ATPSCKMT: variants seen among roughly 807,000 people sequenced by gnomAD.
The protein encoded by ATPSCKMT is ATP synthase c subunit lysine N-methyltransferase.
ATPSCKMT carries 24 observed loss-of-function variants against 24.3 expected under a neutral mutation model. The observed-to-expected ratio is 0.99, with a 90% CI of 0.71 to 1.39. ATPSCKMT has a LOEUF of 1.39. Among genes scored for constraint, ATPSCKMT ranks in the 40% most tolerant of loss-of-function variants. The pLI, the probability that ATPSCKMT is intolerant of heterozygous loss-of-function variation, is 0.00. For synonymous variants in ATPSCKMT, 95 were observed against 110.5 expected (o/e 0.86, Z 0.88); for missense variants, 311 against 298.4 (o/e 1.04, Z -0.31).
Position 10,227,620 on chromosome 5 carries a change from G to A in ATPSCKMT, c.523C>T (p.Arg175Cys), listed in dbSNP as rs748621110. ...ACTCGTGCATCATCCTCAAGTTCAC[G>A]TTCAAGTTTCTTCTCCAACTGCAGC... ...MMLQLEKKLERELEDDARVIA... is the reference protein window; with the variant it reads ...MMLQLEKKLECELEDDARVIA... The change falls in exon 5 of 5, where the codon CGT becomes TGT. Residue 175 changes from arginine (R) to cysteine (C), a missense_variant. By Grantham distance (180) the Arg-to-Cys change is radical (BLOSUM62 -3). Transcript: ENST00000511437. The A allele has an allele frequency of 7.4e-6, 12 of 1,614,174 alleles. No homozygotes were observed. The highest frequency in any genetic ancestry group is 3.3e-5 in the Admixed American group (2 of 60,014).
chr5:10,233,369 CT>C (rs1423871628), intron 4 of ATPSCKMT, among the ~76,000 whole-genome samples: 1 of 152,176 alleles, frequency 6.6e-6, no homozygotes, highest in Admixed American at 6.5e-5. Context: ...CTCCGCACCC[CT>C]GACCGACCCA....
At chr5:10,247,166 AATC>A (rs1744972835) in intron 1 of ATPSCKMT, among the ~76,000 whole-genome samples, 1 of 152,208 alleles carries the variant, frequency 6.6e-6, no homozygotes, top group Non-Finnish European at 1.5e-5. Flanking sequence ...CTCTTGATGA[AATC>A]ATTCTATTTT....
chr5:10,234,157 A>G (rs1744273517), intron 4 of ATPSCKMT, among the ~76,000 whole-genome samples: 1 of 151,990 alleles, frequency 6.6e-6, no homozygotes, highest in Admixed American at 6.6e-5. Context: ...GCAAAACCCC[A>G]CCTCTACTAA....
At chr5:10,232,101 G>T (rs1263475464) in intron 4 of ATPSCKMT, among the ~76,000 whole-genome samples, 1 of 152,128 alleles carries the variant, frequency 6.6e-6, no homozygotes, top group Non-Finnish European at 1.5e-5. Context: ...GACTTGGCAG[G>T]CTGAGACAGG....
chr5:10,231,614 A>T (rs1744143399), intron 4 of ATPSCKMT, among the ~76,000 whole-genome samples: 1 of 150,904 alleles, frequency 6.6e-6, no homozygotes. Flanking sequence ...CTTTGCAGGG[A>T]TCCTGTCCCT....
rs370685274 is a variant in ATPSCKMT at position 10,227,472 on chromosome 5, G to T, written c.671C>A (p.Ser224Ter). Residue 224 changes from serine (S) to a stop codon, truncating the protein, a stop_gained, in exon 5 of 5, where the codon TCG becomes TAG. Coordinates refer to ENST00000511437, the MANE Select transcript of ATPSCKMT (RefSeq NM_199133.4). LOFTEE classifies it low-confidence loss of function (END_TRUNC). ...FRGREKRPCT[S>*]MHFQLPIQA is the part of the protein sequence containing the mutation. ...TTGAATGGGCAGCTGGAAATGCATC[G>T]ATGTACAGGGCCTCTTTTCACGGCC... is the stretch of plus-strand genomic sequence containing the variant. 4 of 1,614,122 alleles carry T rather than the reference G, an allele frequency of 2.5e-6. No individual in the cohort carries two copies. The highest frequency in any genetic ancestry group is 3.4e-6 in the Non-Finnish European group (4 of 1,180,032).
At chr5:10,244,778 T>C (rs1744815457) in intron 1 of ATPSCKMT, among the ~76,000 whole-genome samples, 2 of 151,898 alleles carry the variant, frequency 1.3e-5, no homozygotes, top group Non-Finnish European at 2.9e-5. Context: ...TGTGGTGGCA[T>C]GCACTTGTAG....
chr5:10,241,261 A>C (rs1744630817), intron 1 of ATPSCKMT, among the ~76,000 whole-genome samples: 1 of 152,186 alleles, frequency 6.6e-6, no homozygotes, highest in Non-Finnish European at 1.5e-5. Context: ...CTGGGCCCAC[A>C]TAAATAATCC....
intron 4 of ATPSCKMT, 37 bp from the exon 5 acceptor site, chr5:10,227,684 G>A (rs755420956): frequency 2.5e-6 from 4 of 1,595,204 alleles, no homozygotes; most frequent in Admixed American, 1.7e-5. Context: ...AGTGAGCAGT[G>A]AGTCAGAGGA....
chr5:10,237,791 G>C (rs1454460598), intron 2 of ATPSCKMT, among the ~76,000 whole-genome samples: 1 of 151,784 alleles, frequency 6.6e-6, no homozygotes, highest in Non-Finnish European at 1.5e-5. Context: ...CTGTCACCCA[G>C]GCTGGAGTGC....
rs931638454 is a variant in ATPSCKMT, at chr5:10,236,798, C to T, written c.307-183G>A. 4 of 1,481,572 alleles carry T rather than the reference C, an allele frequency of 2.7e-6. No individual in the cohort carries two copies. In the African/African-American group the frequency reaches 4.2e-5, roughly 16 times the overall value. The allele number at this position is 1,481,572 out of a possible 1,614,324, so 91.8% of individuals were successfully genotyped here. ...GCTTTGTGGACAACGTAATAGTCAACCCATGCAACTTAGTTTCCTTGATTG... is the reference window on the plus strand; with the variant it reads ...GCTTTGTGGACAACGTAATAGTCAATCCATGCAACTTAGTTTCCTTGATTG... On this transcript the variant is annotated intron_variant, in intron 2 of 4. Coordinates refer to ENST00000511437, the MANE Select transcript of ATPSCKMT (RefSeq NM_199133.4).
chr5:10,234,938 C>T (rs1744308378), intron 4 of ATPSCKMT, among the ~76,000 whole-genome samples: 1 of 152,176 alleles, frequency 6.6e-6, no homozygotes, highest in South Asian at 2.1e-4. Flanking sequence ...AGACACGGGA[C>T]CTCAGAAAGC....
chr5:10,248,335 T>G (rs1015032478), intron 1 of ATPSCKMT: 1 of 152,234 alleles, frequency 6.6e-6, no homozygotes, highest in Non-Finnish European at 1.5e-5. Context: ...ACACAGAGGA[T>G]GCCATAGGAC....
chr5:10,235,078 T>C (rs1196716217), intron 4 of ATPSCKMT, 133 bp downstream of exon 4: 6 of 692,384 alleles, frequency 8.7e-6, no homozygotes, highest in Non-Finnish European at 1.5e-5. Flanking sequence ...ATTAAATCAA[T>C]GAACTGAAAT....
chr5:10,249,643 G>C (rs1745199618), intron 1 of ATPSCKMT: 2 of 715,214 alleles, frequency 2.8e-6, no homozygotes, highest in African/African-American at 1.9e-5. Context: ...ACAGTCTCTG[G>C]GGAAACGCGC....
chr5:10,235,138 T>C, intron 4 of ATPSCKMT, 73 bp downstream of exon 4: 1 of 1,372,036 alleles, frequency 7.3e-7, no homozygotes, highest in South Asian at 1.2e-5. Context: ...CACGGGTGAG[T>C]GGTGGTGTTG....
At chr5:10,229,612 A>C (rs749557908) in intron 4 of ATPSCKMT, among the ~76,000 whole-genome samples, 4 of 152,144 alleles carry the variant, frequency 2.6e-5, no homozygotes, top group Non-Finnish European at 5.9e-5. Context: ...TTGAAATAGC[A>C]CTCACGGATG....
chr5:10,248,475 G>GTGT (rs1745059805), intron 1 of ATPSCKMT: 1 of 152,362 alleles, frequency 6.6e-6, no homozygotes, highest in African/African-American at 2.4e-5. Flanking sequence ...TGTCCTTGAA[G>GTGT]AACACTTCAA....
intron 4 of ATPSCKMT, among the ~76,000 whole-genome samples, chr5:10,234,298 A>C (rs1177376541): frequency 3.9e-5 from 6 of 152,190 alleles, no homozygotes; most frequent in Non-Finnish European, 7.3e-5. Flanking sequence ...ACTGCACTCC[A>C]GCCTGGGCAA....
Sources: gnomAD v4.1 joint callset for allele counts (sites outside exome capture counted in the v4.1 genomes callset) on GRCh38, gnomAD v4.1.1 for gene constraint, MANE v1.5 for transcripts, NCBI Gene and HGNC (gene_info 2026-07-23, HGNC 2026-07-21) for gene names.